The following IGSF21 variants were observed in gnomAD, a reference collection of about 807,000 sequenced individuals.
IGSF21 encodes the protein immunoglobin superfamily member 21.
Under a neutral mutation model 46.8 loss-of-function variants are expected in IGSF21, and 28 were observed. The ratio of observed to expected loss-of-function variants is 0.60; its 90% confidence interval spans 0.44 to 0.82. The LOEUF is 0.82. Ranked by LOEUF, IGSF21 falls within the 40% of genes least tolerant of loss-of-function variation. IGSF21 has a pLI of 0.00. For synonymous variants in IGSF21, 284 were observed against 273.6 expected (o/e 1.04, Z -0.38); for missense variants, 624 against 665.5 (o/e 0.94, Z 0.69).
intron 1 of IGSF21, among the ~76,000 whole-genome samples, chr1:18,207,992 C>T (rs1468502227): frequency 6.6e-6 from 1 of 152,108 alleles, no homozygotes; most frequent in African/African-American, 2.4e-5. Flanking sequence ...AAGTCAGTGT[C>T]ATTATTTTTG....
chr1:18,233,249 T>C (rs2084644521), intron 2 of IGSF21, among the ~76,000 whole-genome samples: 2 of 152,170 alleles, frequency 1.3e-5, no homozygotes, highest in South Asian at 4.1e-4. Flanking sequence ...CCCCTTTATC[T>C]CACCTTTTTC....
intron 1 of IGSF21, among the ~76,000 whole-genome samples, chr1:18,189,607 A>G (rs1161723734): frequency 6.6e-6 from 1 of 151,258 alleles, no homozygotes; most frequent in Non-Finnish European, 1.5e-5. Flanking sequence ...GGGTGCTGGG[A>G]GACAGTGACA....
chr1:18,160,627 G>A (rs1316078890), intron 1 of IGSF21, among the ~76,000 whole-genome samples: 4 of 152,120 alleles, frequency 2.6e-5, no homozygotes, highest in Non-Finnish European at 4.4e-5. Flanking sequence ...GGGAAGGACC[G>A]GGCACTCAGA....
intron 1 of IGSF21, among the ~76,000 whole-genome samples, chr1:18,133,495 G>T (rs904610139): frequency 2.0e-5 from 3 of 152,208 alleles, no homozygotes; most frequent in Non-Finnish European, 4.4e-5. Context: ...ACCCTTCATG[G>T]CATTGTCCAG....
intron 1 of IGSF21, among the ~76,000 whole-genome samples, chr1:18,179,916 A>C (rs546509958): frequency 1.3e-5 from 2 of 152,224 alleles, no homozygotes; most frequent in Non-Finnish European, 2.9e-5. Context: ...AAAGCCTCCA[A>C]GCAAAAGGAA....
intron 1 of IGSF21, among the ~76,000 whole-genome samples, chr1:18,221,401 C>T (rs1465302132): frequency 6.6e-6 from 1 of 152,148 alleles, no homozygotes; most frequent in African/African-American, 2.4e-5. Flanking sequence ...GCCCATATCC[C>T]TCTCATGGAA....
In IGSF21 at chr1:18,370,391, T is replaced by G. The variant is rs546918283; in HGVS notation, c.1015+4694T>G. Among the ~76,000 whole-genome samples, 293 of 152,158 alleles carry G rather than the reference T, an allele frequency of 1.9e-3. 1 individual carries two copies. Among genetic ancestry groups the G allele is most frequent in the African/African-American group, 6.4e-3 (267 of 41,522 alleles). ...TCTTAAAAAATGACCCTGAAACAAATGAATAGGCATAAGGAAAAATTAAAC... is the reference window on the plus strand; with the variant it reads ...TCTTAAAAAATGACCCTGAAACAAAGGAATAGGCATAAGGAAAAATTAAAC... On this transcript the variant is annotated intron_variant, in intron 6 of 9. Coordinates refer to ENST00000251296, the MANE Select transcript of IGSF21 (RefSeq NM_032880.5).
intron 3 of IGSF21, among the ~76,000 whole-genome samples, chr1:18,333,645 G>A (rs1006564275): frequency 6.6e-6 from 1 of 152,176 alleles, no homozygotes; most frequent in African/African-American, 2.4e-5. Flanking sequence ...ATTGGAACCT[G>A]GTTCTCTTTG....
At chr1:18,304,954 T>C (rs1385342459) in intron 3 of IGSF21, among the ~76,000 whole-genome samples, 1 of 152,232 alleles carries the variant, frequency 6.6e-6, no homozygotes, top group Non-Finnish European at 1.5e-5. Flanking sequence ...GCTTCAAACC[T>C]TCTTTAATAT....
chr1:18,377,110 A>G, intron 8 of IGSF21, 118 bp downstream of exon 8: 1 of 1,111,874 alleles, frequency 9.0e-7, no homozygotes, highest in Non-Finnish European at 1.3e-6. Context: ...AATCTCCCAA[A>G]TTTGCCCTGA....
rs116060110 is a variant in IGSF21 at position 18,130,612 on chromosome 1, A to G, written c.70+22414A>G. Among the ~76,000 whole-genome samples the G allele has an allele frequency of 4.6e-3, 704 of 152,328 alleles. 4 individuals are homozygous for G. The highest frequency in any genetic ancestry group is 0.016 in the African/African-American group (670 of 41,562). On this transcript the variant is annotated intron_variant, in intron 1 of 9. Transcript: ENST00000251296. ...TAAACTGAGGAACTCAGAAAGGGTT[A>G]GTAACTCACCCAAGGTTACACAGCT...
At chr1:18,171,398 G>C (rs151060684) in intron 1 of IGSF21, among the ~76,000 whole-genome samples, 8 of 152,244 alleles carry the variant, frequency 5.3e-5, no homozygotes, top group Non-Finnish European at 1.2e-4. Context: ...TCTCTGCTCT[G>C]GAACAGGAAG....
chr1:18,300,667 T>C (rs1293893260), intron 3 of IGSF21, among the ~76,000 whole-genome samples: 1 of 152,224 alleles, frequency 6.6e-6, no homozygotes, highest in East Asian at 1.9e-4. Flanking sequence ...AAGTGAGGCC[T>C]TGCCTGCAGG....
intron 1 of IGSF21, among the ~76,000 whole-genome samples, chr1:18,120,294 G>A (rs111924700): frequency 3.2e-4 from 49 of 152,330 alleles, no homozygotes; most frequent in African/African-American, 7.0e-4. Flanking sequence ...ACAGCCAGGC[G>A]GCCCTGTGTA....
At chr1:18,119,940 A>C (rs1180382299) in intron 1 of IGSF21, among the ~76,000 whole-genome samples, 2 of 152,210 alleles carry the variant, frequency 1.3e-5, no homozygotes, top group East Asian at 3.9e-4. Context: ...TGGCATGCAG[A>C]TATGGCCAAT....
intron 3 of IGSF21, among the ~76,000 whole-genome samples, chr1:18,297,083 G>A (rs1440499871): frequency 4.6e-5 from 7 of 152,058 alleles, no homozygotes; most frequent in Non-Finnish European, 8.8e-5. Flanking sequence ...CAAGCTCACC[G>A]ACTGATGCTA....
intron 6 of IGSF21, among the ~76,000 whole-genome samples, chr1:18,371,349 A>T (rs2086221599): frequency 6.6e-6 from 1 of 152,186 alleles, no homozygotes; most frequent in Admixed American, 6.5e-5. Context: ...AGGCAGGTGG[A>T]TCACTTGCAG....
At chr1:18,248,651 G>T (rs751280283) in intron 2 of IGSF21, among the ~76,000 whole-genome samples, 4 of 152,176 alleles carry the variant, frequency 2.6e-5, no homozygotes, top group Non-Finnish European at 5.9e-5. Context: ...CACATGGCGA[G>T]TTCTCCGGTG....
chr1:18,365,269 C>T lies in IGSF21; in HGVS notation c.587C>T (p.Ser196Leu). The change falls in exon 6 of 10, where the codon TCA (serine) becomes TTA (leucine). Residue 196 changes from serine to leucine, a missense_variant. Ser to Leu is a moderately radical substitution (Grantham distance 145, BLOSUM62 -2). Transcript: ENST00000251296. This position sits in a 1 kb window ranked among gnomAD's most constrained non-coding sequence, Gnocchi z 4.8. ...GAACCAATCGACGCAGTGCCCCTAT[C>T]AGAGCCACCAGCTGCGAGCTCCGGC... ...DGEPIDAVPLSEPPAASSGPL... is the reference protein window; with the variant it reads ...DGEPIDAVPLLEPPAASSGPL... 1 of 1,613,438 alleles carries T rather than the reference C, an allele frequency of 6.2e-7. No homozygotes were observed. The highest frequency in any genetic ancestry group is 8.5e-7 in the Non-Finnish European group (1 of 1,179,598).
Sources: gnomAD v4.1 joint callset for allele counts (sites outside exome capture counted in the v4.1 genomes callset) on GRCh38, gnomAD v4.1.1 for gene constraint, Gnocchi (gnomAD v3.1) non-coding constraint, MANE v1.5 for transcripts, NCBI Gene and HGNC (gene_info 2026-07-23, HGNC 2026-07-21) for gene names.